The following FAM228B variants were observed in gnomAD, a reference collection of about 807,000 sequenced individuals.
The protein encoded by FAM228B is protein FAM228B.
FAM228B carries 38 observed loss-of-function variants against 42.6 expected under a neutral mutation model. That is an observed-to-expected ratio of 0.89 (90% CI 0.69 to 1.17). FAM228B has a LOEUF of 1.17. Among genes scored for constraint, FAM228B ranks in the 50% most tolerant of loss-of-function variants. The probability of loss-of-function intolerance (pLI) is 0.00; values close to 1 mark genes in which losing one functional copy is unlikely to be tolerated. For missense variants in FAM228B, 344 were observed against 367.3 expected (o/e 0.94, Z 0.52); for synonymous variants, 109 against 122.3 (o/e 0.89, Z 0.72).
intron 7 of FAM228B, among the ~76,000 whole-genome samples, chr2:24,151,293 G>GTT (rs1228310560): frequency 7.0e-6 from 1 of 142,976 alleles, no homozygotes; most frequent in Non-Finnish European, 1.5e-5. Context: ...TTTGTTTTTT[G>GTT]TTTTTTTTTT....
intron 9 of FAM228B, chr2:24,166,466 T>G (rs1413761252): frequency 1.3e-5 from 2 of 151,946 alleles, no homozygotes; most frequent in Admixed American, 6.6e-5. Context: ...GTTTAGCTCC[T>G]TTTACTGCCA....
intron 3 of FAM228B, among the ~76,000 whole-genome samples, chr2:24,107,419 C>T (rs1665720031): frequency 6.6e-6 from 1 of 152,142 alleles, no homozygotes; most frequent in Non-Finnish European, 1.5e-5. Flanking sequence ...GAACACTTGA[C>T]CAAAGTAACC....
intron 3 of FAM228B, among the ~76,000 whole-genome samples, chr2:24,102,817 A>T (rs1365517091): frequency 6.6e-6 from 1 of 152,224 alleles, no homozygotes; most frequent in Non-Finnish European, 1.5e-5. Flanking sequence ...TATGGAAAAC[A>T]TCTGTGACAT....
At chr2:24,083,628 G>C (rs1665114658) in intron 2 of FAM228B, among the ~76,000 whole-genome samples, 1 of 152,174 alleles carries the variant, frequency 6.6e-6, no homozygotes, top group Admixed American at 6.5e-5. Flanking sequence ...TGTGCCCCGG[G>C]GGATTCTGAT....
At position 24,169,571 on chromosome 2, in the gene FAM228B, C is replaced by A; in HGVS notation, c.*230C>A. On this transcript the variant is annotated 3_prime_UTR_variant, in exon 11 of 11. Coordinates refer to ENST00000615575, the MANE Select transcript of FAM228B (RefSeq NM_001145710.2). This position sits in a 1 kb window ranked among gnomAD's most constrained non-coding sequence, Gnocchi z 4.2. ...TGTGATAATTAAGAAATGGCAATAC[C>A]ATGTATTTTCCCCAGAAGTTAAGAA... is the stretch of plus-strand genomic sequence containing the variant. 1 of 285,080 alleles carries A rather than the reference C, an allele frequency of 3.5e-6. No individual in the cohort carries two copies. Among genetic ancestry groups the A allele is most frequent in the Non-Finnish European group, 7.7e-6 (1 of 129,940 alleles). 17.7% of individuals were successfully genotyped at this position (285,080 alleles called of 1,614,324 possible).
chr2:24,106,643 A>T (rs1189923648), intron 3 of FAM228B, among the ~76,000 whole-genome samples: 1 of 152,036 alleles, frequency 6.6e-6, no homozygotes, highest in Non-Finnish European at 1.5e-5. Flanking sequence ...AAAGAAGAAA[A>T]TTTCCAACTA....
chr2:24,164,865 C>T (rs1029535733), intron 9 of FAM228B, among the ~76,000 whole-genome samples: 1 of 152,070 alleles, frequency 6.6e-6, no homozygotes, highest in Non-Finnish European at 1.5e-5. Flanking sequence ...CTTCCTCACT[C>T]GGCACCTTGT....
chr2:24,139,178 C>T (rs1666688724), intron 4 of FAM228B, among the ~76,000 whole-genome samples, 192 bp from the exon 5 acceptor site: 1 of 151,988 alleles, frequency 6.6e-6, no homozygotes, highest in Non-Finnish European at 1.5e-5. Context: ...AAGTAGATTC[C>T]TTCCTTCACT....
chr2:24,126,904 G>T (rs967543740), intron 2 of FAM228B, among the ~76,000 whole-genome samples: 23 of 152,308 alleles, frequency 1.5e-4, no homozygotes, highest in Middle Eastern at 3.4e-3. Context: ...GATTACAGGC[G>T]TGAGCCACCG....
intron 7 of FAM228B, among the ~76,000 whole-genome samples, chr2:24,158,215 C>CTTTT (rs1335914110): frequency 2.2e-4 from 2 of 9,174 alleles, no homozygotes; most frequent in African/African-American, 1.1e-3. Flanking sequence ...TTTTTTTTTC[C>CTTTT]AAAACATTGT....
chr2:24,082,968 G>C, intron 2 of FAM228B: 1 of 1,614,180 alleles, frequency 6.2e-7, no homozygotes, highest in Non-Finnish European at 8.5e-7. Context: ...CTCTGGGATA[G>C]GCATGAGGAG....
intron 3 of FAM228B, among the ~76,000 whole-genome samples, chr2:24,117,453 T>C (rs940312357): frequency 2.6e-5 from 4 of 151,842 alleles, no homozygotes; most frequent in Non-Finnish European, 4.4e-5. Flanking sequence ...TCTTTTTTTT[T>C]TTTTCTCGAG....
chr2:24,157,017 G>A (rs111239036), intron 7 of FAM228B, among the ~76,000 whole-genome samples: 186 of 152,114 alleles, frequency 1.2e-3, no homozygotes, highest in African/African-American at 4.2e-3. Context: ...GTTATGATAG[G>A]TTGTGTCACT....
At chr2:24,124,252 A>G in intron 1 of FAM228B, 78 bp from the exon 2 acceptor site, 1 of 717,462 alleles carries the variant, frequency 1.4e-6, no homozygotes, top group Non-Finnish European at 2.3e-6. Flanking sequence ...GCGTGTGTGC[A>G]AGGACACAGG....
chr2:24,101,892 C>T (rs1027768337), intron 3 of FAM228B, among the ~76,000 whole-genome samples: 5 of 152,102 alleles, frequency 3.3e-5, no homozygotes, highest in Non-Finnish European at 5.9e-5. Flanking sequence ...CCGTGTTAGC[C>T]AGGATGGTCT....
At position 24,150,448 on chromosome 2, in the gene FAM228B, A is replaced by G. The variant is rs533570968; in HGVS notation, c.686+3362A>G. Among the ~76,000 whole-genome samples, 14 of 151,678 alleles carry G rather than the reference A, an allele frequency of 9.2e-5. No homozygotes were observed. In the South Asian group the frequency reaches 2.7e-3, roughly 29 times the overall value. On this transcript the variant is annotated intron_variant, in intron 7 of 10. Transcript: ENST00000615575. ...TTTATTTTATTATTATTTTTTTGAG[A>G]CAGAGTCTCACTGTCACCCAGGCTG...
chr2:24,088,419 C>CACT (rs1665309720), intron 2 of FAM228B, among the ~76,000 whole-genome samples: 1 of 152,148 alleles, frequency 6.6e-6, no homozygotes, highest in African/African-American at 2.4e-5. Flanking sequence ...GGGGTGATCT[C>CACT]GGCTCACTGC....
chr2:24,117,912 A>G (rs1665977441), intron 3 of FAM228B, among the ~76,000 whole-genome samples: 1 of 152,232 alleles, frequency 6.6e-6, no homozygotes, highest in Non-Finnish European at 1.5e-5. Context: ...ACCATTTCCA[A>G]GATAGCTGTC....
At chr2:24,115,036 A>G (rs1004937893) in intron 3 of FAM228B, among the ~76,000 whole-genome samples, 4 of 152,196 alleles carry the variant, frequency 2.6e-5, no homozygotes, top group African/African-American at 4.8e-5. Context: ...GGCCTTTGCA[A>G]TCCCTTCTCC....
Sources: allele counts gnomAD v4.1 joint callset (sites outside exome capture counted in the v4.1 genomes callset), GRCh38; gene constraint gnomAD v4.1.1; non-coding constraint Gnocchi (gnomAD v3.1); transcripts MANE v1.5; gene names NCBI Gene and HGNC (gene_info 2026-07-23, HGNC 2026-07-21).